IGF2BP2: variants seen among roughly 807,000 people sequenced by gnomAD.
IGF2BP2 encodes insulin-like growth factor 2 mRNA-binding protein 2.
A neutral mutation model predicts 75.8 loss-of-function variants in IGF2BP2; 17 were observed. The observed-to-expected ratio is 0.22, with a 90% CI of 0.15 to 0.34. IGF2BP2 has a LOEUF of 0.34. Among genes scored for constraint, IGF2BP2 ranks in the 10% least tolerant of loss-of-function variants. The probability of loss-of-function intolerance (pLI) is 1.00; values close to 1 mark genes in which losing one functional copy is unlikely to be tolerated. For missense variants in IGF2BP2, 516 were observed against 772.4 expected (o/e 0.67, Z 3.93); for synonymous variants, 288 against 295.6 (o/e 0.97, Z 0.26).
chr3:185,673,442 C>CG (rs1718833784), intron 9 of IGF2BP2, among the ~76,000 whole-genome samples: 1 of 152,220 alleles, frequency 6.6e-6, no homozygotes, highest in South Asian at 2.1e-4. Flanking sequence ...TAGCCAGGTT[C>CG]GGGATGGTTT....
At chr3:185,769,850 A>AG (rs1308094905) in intron 2 of IGF2BP2, among the ~76,000 whole-genome samples, 13 of 151,006 alleles carry the variant, frequency 8.6e-5, no homozygotes, top group African/African-American at 2.9e-4. Context: ...AAAAAAAAAA[A>AG]AAAGAAACAA....
chr3:185,661,132 G>A (rs1361377014), intron 10 of IGF2BP2, among the ~76,000 whole-genome samples: 2 of 152,214 alleles, frequency 1.3e-5, no homozygotes, highest in African/African-American at 4.8e-5. Flanking sequence ...TCTTGAACTT[G>A]CAATCAGGAG....
At chr3:185,683,869 C>T (rs1260558041) in intron 7 of IGF2BP2, among the ~76,000 whole-genome samples, 3 of 152,164 alleles carry the variant, frequency 2.0e-5, no homozygotes, top group African/African-American at 7.2e-5. Context: ...ACCAAGGGAA[C>T]GTGAGACATG....
At chr3:185,688,365 T>C (rs1245838395) in intron 6 of IGF2BP2, among the ~76,000 whole-genome samples, 1 of 152,220 alleles carries the variant, frequency 6.6e-6, no homozygotes, top group Non-Finnish European at 1.5e-5. Context: ...TATTTAGAGA[T>C]GGAGTTTCAC....
In IGF2BP2 at chr3:185,766,070, T is replaced by C. The variant is rs1226036677; in HGVS notation, c.239+57083A>G. Among the ~76,000 whole-genome samples the C allele has an allele frequency of 1.3e-5, 2 of 152,050 alleles. 1 individual carries two copies. Among genetic ancestry groups the C allele is most frequent in the African/African-American group, 4.8e-5 (2 of 41,384 alleles). ...TGAAGATGGGAGAAAATGTGGAGGTTCTAAGAACCCGATGGCTGGGTAGCA... is the reference window on the plus strand; with the variant it reads ...TGAAGATGGGAGAAAATGTGGAGGTCCTAAGAACCCGATGGCTGGGTAGCA... On this transcript the variant is annotated intron_variant, in intron 2 of 15. Coordinates refer to ENST00000382199, the MANE Select transcript of IGF2BP2 (RefSeq NM_006548.6).
intron 2 of IGF2BP2, among the ~76,000 whole-genome samples, chr3:185,747,376 T>C (rs1019805410): frequency 1.3e-5 from 2 of 152,140 alleles, no homozygotes; most frequent in African/African-American, 4.8e-5. Flanking sequence ...TGGTCTGTTA[T>C]TACGGGTTTT....
Position 185,645,266 on chromosome 3 carries a change from A to C in IGF2BP2, c.*265T>G. ...TCAGGAGAGATCCGAGTGGATGGTG[A>C]AGTGGATGGCTGAAGCCTGCAGAAG... On this transcript the variant is annotated 3_prime_UTR_variant, in exon 16 of 16. Coordinates refer to ENST00000382199, the MANE Select transcript of IGF2BP2 (RefSeq NM_006548.6). The surrounding 1 kb of genome is among the most constrained non-coding windows in gnomAD (Gnocchi z 4.9). The C allele has an allele frequency of 3.8e-6, 2 of 526,518 alleles. No homozygotes were observed. The highest frequency in any genetic ancestry group is 3.1e-5 in the East Asian group (1 of 32,660). 32.6% of individuals were successfully genotyped at this position (526,518 alleles called of 1,614,324 possible).
chr3:185,649,256 C>G (rs768862089), intron 14 of IGF2BP2, 147 bp downstream of exon 14: 6 of 1,079,550 alleles, frequency 5.6e-6, no homozygotes, highest in Non-Finnish European at 8.0e-6. Context: ...TCAAAGGGCT[C>G]AGATGCCAGG....
intron 2 of IGF2BP2, among the ~76,000 whole-genome samples, chr3:185,782,100 C>T (rs898683165): frequency 6.6e-6 from 1 of 152,058 alleles, no homozygotes; most frequent in Non-Finnish European, 1.5e-5. Flanking sequence ...TAAATTTAAA[C>T]CGTGACTCAG....
chr3:185,807,399 T>C (rs1036408327), intron 2 of IGF2BP2, among the ~76,000 whole-genome samples: 1 of 152,198 alleles, frequency 6.6e-6, no homozygotes, highest in Non-Finnish European at 1.5e-5. Context: ...CTACAAAATG[T>C]TGTGAAAATT....
intron 2 of IGF2BP2, among the ~76,000 whole-genome samples, chr3:185,816,106 G>A (rs550500971): frequency 3.3e-5 from 5 of 152,276 alleles, no homozygotes; most frequent in Admixed American, 3.3e-4. Context: ...TCTGAACCCC[G>A]TGAAGAACCC....
At chr3:185,667,192 G>C (rs1211283190) in intron 10 of IGF2BP2, among the ~76,000 whole-genome samples, 1 of 152,102 alleles carries the variant, frequency 6.6e-6, no homozygotes, top group Non-Finnish European at 1.5e-5. Flanking sequence ...AAATGATTTT[G>C]GGAAAATTGA....
chr3:185,702,472 A>C (rs1723441786), intron 2 of IGF2BP2, among the ~76,000 whole-genome samples: 1 of 152,218 alleles, frequency 6.6e-6, no homozygotes, highest in South Asian at 2.1e-4. Flanking sequence ...AGTGATTGGT[A>C]ATAGGAAAAT....
At chr3:185,820,899 CTT>C in intron 2 of IGF2BP2, 3 of 1,065,684 alleles carry the variant, frequency 2.8e-6, no homozygotes, top group Non-Finnish European at 4.0e-6. Flanking sequence ...ATAGAATTGA[CTT>C]AACACTGCCA....
intron 1 of IGF2BP2, among the ~76,000 whole-genome samples, chr3:185,823,447 G>T (rs1187158039): frequency 6.6e-6 from 1 of 152,220 alleles, no homozygotes; most frequent in Non-Finnish European, 1.5e-5. Flanking sequence ...AGGTATAGCC[G>T]TGGGTGGCAT....
rs1247922756 is a variant in IGF2BP2, at chr3:185,644,026, T to C, written c.*1505A>G. The C allele has an allele frequency of 6.6e-6, 1 of 152,438 alleles. No individual in the cohort carries two copies. Among genetic ancestry groups the C allele is most frequent in the Admixed American group, 6.6e-5 (1 of 15,250 alleles). 9.4% of individuals were successfully genotyped at this position (152,438 alleles called of 1,614,324 possible). A position where few individuals can be genotyped will look rare whatever the true frequency, so the allele number is the denominator to read the frequency against. On this transcript the variant is annotated 3_prime_UTR_variant, in exon 16 of 16. Coordinates refer to ENST00000382199, the MANE Select transcript of IGF2BP2 (RefSeq NM_006548.6). Reference sequence around the variant, plus strand: ...AAGGTTTGTCCAAAAGAAGGCCATATAGGTTCTTGGCTAGCGGAAGACAAT... The same window carrying C: ...AAGGTTTGTCCAAAAGAAGGCCATACAGGTTCTTGGCTAGCGGAAGACAAT...
chr3:185,672,460 T>C (rs1469176137), intron 10 of IGF2BP2, 81 bp downstream of exon 10: 4 of 1,403,458 alleles, frequency 2.9e-6, no homozygotes, highest in Non-Finnish European at 3.9e-6. Flanking sequence ...AAGCTTCCGT[T>C]CTGATTCCAC....
At chr3:185,744,300 G>A (rs1729950454) in intron 2 of IGF2BP2, among the ~76,000 whole-genome samples, 2 of 151,952 alleles carry the variant, frequency 1.3e-5, no homozygotes, top group African/African-American at 2.4e-5. Flanking sequence ...ATTGATCTGG[G>A]TAGTAGCTAC....
At chr3:185,811,476 C>T (rs1314849536) in intron 2 of IGF2BP2, among the ~76,000 whole-genome samples, 1 of 152,168 alleles carries the variant, frequency 6.6e-6, no homozygotes, top group Non-Finnish European at 1.5e-5. Context: ...CTTTTTTTGA[C>T]CTTCAGTGTC....
Sources: allele counts gnomAD v4.1 joint callset (sites outside exome capture counted in the v4.1 genomes callset), GRCh38; gene constraint gnomAD v4.1.1; non-coding constraint Gnocchi (gnomAD v3.1); transcripts MANE v1.5; gene names NCBI Gene and HGNC (gene_info 2026-07-23, HGNC 2026-07-21).